The following NIPSNAP1 variants were observed in gnomAD, a reference collection of about 807,000 sequenced individuals.
NIPSNAP1 encodes the protein nipsnap homolog 1.
NIPSNAP1 carries 25 observed loss-of-function variants against 49.2 expected under a neutral mutation model. The ratio of observed to expected loss-of-function variants is 0.51; its 90% confidence interval spans 0.37 to 0.71. The LOEUF (loss-of-function observed/expected upper bound fraction) is 0.71, where lower values mean the gene tolerates loss of function less well. NIPSNAP1 is among the 30% of genes least tolerant of loss of function. NIPSNAP1 has a pLI of 0.00. For missense variants in NIPSNAP1, 294 were observed against 361.0 expected, an observed-to-expected ratio of 0.81 and a Z score of 1.50; for synonymous variants, 143 against 140.7, an observed-to-expected ratio of 1.02 and a Z score of -0.12.
At position 29,555,645 on chromosome 22, in the gene NIPSNAP1, G is replaced by T; in HGVS notation, c.*290C>A. 4.9e-6 allele frequency: 2 copies of T among 410,966 alleles called. No individual in the cohort carries two copies. Among genetic ancestry groups the T allele is most frequent in the Non-Finnish European group, 4.6e-6 (1 of 217,732 alleles). 25.5% of individuals were successfully genotyped at this position (410,966 alleles called of 1,614,324 possible). A position where few individuals can be genotyped will look rare whatever the true frequency, so the allele number is the denominator to read the frequency against. On this transcript the variant is annotated 3_prime_UTR_variant, in exon 10 of 10. Coordinates refer to ENST00000216121, the MANE Select transcript of NIPSNAP1 (RefSeq NM_003634.4). Reference sequence around the variant, plus strand: ...CTGGGGACTGGTGGCCTTGAGATGAGGAATTTTAGAAGATAAATGAAGGCC... The same window carrying T: ...CTGGGGACTGGTGGCCTTGAGATGATGAATTTTAGAAGATAAATGAAGGCC...
intron 9 of NIPSNAP1, among the ~76,000 whole-genome samples, chr22:29,557,855 G>T (rs563440430): frequency 2.0e-5 from 3 of 152,208 alleles, no homozygotes; most frequent in Admixed American, 6.5e-5. Flanking sequence ...TCATTTATGT[G>T]CCCCTCAACC....
intron 4 of NIPSNAP1, among the ~76,000 whole-genome samples, chr22:29,567,232 G>A (rs1487521854): frequency 6.6e-6 from 1 of 152,216 alleles, no homozygotes; most frequent in East Asian, 1.9e-4. Flanking sequence ...CTGTGAGTCA[G>A]CCAAATTCAT....
chr22:29,568,698 A>G (rs2064385513), intron 4 of NIPSNAP1, among the ~76,000 whole-genome samples: 1 of 152,170 alleles, frequency 6.6e-6, no homozygotes, highest in South Asian at 2.1e-4. Flanking sequence ...AGGCTGAGAC[A>G]AGAGAATTGC....
In NIPSNAP1 at chr22:29,573,939, A is replaced by AAAAACAAAAC. The variant is rs695343; in HGVS notation, c.99-3417_99-3408dup. Among the ~76,000 whole-genome samples, 621 of 148,304 alleles carry AAAAACAAAAC rather than the reference A, an allele frequency of 4.2e-3. 12 individuals carry two copies. Among genetic ancestry groups the AAAAACAAAAC allele is most frequent in the Middle Eastern group, 0.042 (12 of 288 alleles). On this transcript the variant is annotated intron_variant, in intron 1 of 9. Coordinates refer to ENST00000216121, the MANE Select transcript of NIPSNAP1 (RefSeq NM_003634.4). ...GGGCAACAGAGCAGACCCTGTCTCA[A>AAAAACAAAAC]AAAACAAAACAAAACAAAACAAAAC...
Position 29,581,106 on chromosome 22 carries a change from A to C in NIPSNAP1, c.-24T>G. ...ATGTTGGAGCCGCAAAGGTTGCAGG[A>C]AGGCCCCGCCCCCAAGCCCTGGTGG... On this transcript the variant is annotated 5_prime_UTR_variant, in exon 1 of 10. Coordinates refer to ENST00000216121, the MANE Select transcript of NIPSNAP1 (RefSeq NM_003634.4). 6.5e-7 allele frequency: 1 copy of C among 1,537,984 alleles called. No individual in the cohort carries two copies. The highest frequency in any genetic ancestry group is 8.7e-7 in the Non-Finnish European group (1 of 1,144,252).
intron 4 of NIPSNAP1, among the ~76,000 whole-genome samples, chr22:29,563,492 A>T (rs1325935936): frequency 6.6e-6 from 1 of 152,134 alleles, no homozygotes; most frequent in Non-Finnish European, 1.5e-5. Flanking sequence ...GCACCACTGC[A>T]CTCCAGCCTG....
chr22:29,572,666 G>A (rs962852354), intron 1 of NIPSNAP1, among the ~76,000 whole-genome samples: 2 of 152,004 alleles, frequency 1.3e-5, no homozygotes, highest in South Asian at 2.1e-4. Flanking sequence ...TGGGCATGAC[G>A]GTATGTGCCT....
At chr22:29,574,933 T>C (rs562392740) in intron 1 of NIPSNAP1, among the ~76,000 whole-genome samples, 1 of 152,318 alleles carries the variant, frequency 6.6e-6, no homozygotes, top group South Asian at 2.1e-4. Context: ...CTTATAGTAT[T>C]GGTACTATTA....
In NIPSNAP1 at chr22:29,574,261, C is replaced by CAAAAAAAA. The variant is rs1158442759; in HGVS notation, c.99-3737_99-3730dup. Among the ~76,000 whole-genome samples the CAAAAAAAA allele has an allele frequency of 4.9e-4, 18 of 36,632 alleles. 1 individual carries two copies. The highest frequency in any genetic ancestry group is 3.1e-3 in the East Asian group (2 of 648). The allele number at this position is 36,632 out of a possible 152,430, so 24.0% of individuals were successfully genotyped here. On this transcript the variant is annotated intron_variant, in intron 1 of 9. Transcript: ENST00000216121. The stretch of plus-strand genomic sequence containing the variant: ...ATGACAGAGTGAGACTCCATCTTCA[C>CAAAAAAAA]AAAAAAAAAAAAAAAAAAAAAAAAA...
chr22:29,563,779 G>C (rs1313538878), intron 4 of NIPSNAP1, among the ~76,000 whole-genome samples: 1 of 152,134 alleles, frequency 6.6e-6, no homozygotes, highest in Non-Finnish European at 1.5e-5. Flanking sequence ...GACACACAGA[G>C]AGAACAGCAT....
At chr22:29,580,300 T>C in intron 1 of NIPSNAP1, 1 of 1,235,408 alleles carries the variant, frequency 8.1e-7, no homozygotes. Context: ...CCAGGGCCAG[T>C]CAGGGAGGCC....
intron 1 of NIPSNAP1, among the ~76,000 whole-genome samples, chr22:29,577,718 T>TTTTTGTTTTGTTTTG (rs777313394): frequency 6.7e-6 from 1 of 149,554 alleles, no homozygotes; most frequent in Admixed American, 6.6e-5. Context: ...CCGGCATGTT[T>TTTTTGTTTTGTTTTG]TTTTGTTTTG....
intron 1 of NIPSNAP1, among the ~76,000 whole-genome samples, chr22:29,575,721 T>G (rs973154183): frequency 2.9e-4 from 44 of 151,782 alleles, no homozygotes; most frequent in African/African-American, 9.9e-4. Flanking sequence ...TTTTTTTTTT[T>G]TTGTTTTGTT....
chr22:29,562,700 A>C (rs1172754258), intron 4 of NIPSNAP1, among the ~76,000 whole-genome samples: 2 of 152,260 alleles, frequency 1.3e-5, no homozygotes, highest in South Asian at 4.1e-4. Context: ...TCAAAAAAAA[A>C]GAGATTGACA....
At chr22:29,559,970 TC>T (rs2064322374) in intron 8 of NIPSNAP1, among the ~76,000 whole-genome samples, 3 of 151,886 alleles carry the variant, frequency 2.0e-5, no homozygotes, top group Non-Finnish European at 4.4e-5. Context: ...CCCAACTCAT[TC>T]CCCCTCTCCT....
chr22:29,577,873 C>T (rs1287885170), intron 1 of NIPSNAP1, among the ~76,000 whole-genome samples: 1 of 148,936 alleles, frequency 6.7e-6, no homozygotes, highest in Non-Finnish European at 1.5e-5. Context: ...GCTGGGAATA[C>T]AGGAACACAC....
At chr22:29,571,471 G>A (rs1360712074) in intron 1 of NIPSNAP1, among the ~76,000 whole-genome samples, 1 of 152,188 alleles carries the variant, frequency 6.6e-6, no homozygotes, top group Non-Finnish European at 1.5e-5. Flanking sequence ...TGTGGTTAAG[G>A]GCAGTGGAGG....
intron 8 of NIPSNAP1, among the ~76,000 whole-genome samples, chr22:29,560,171 C>G (rs1020864564): frequency 7.9e-5 from 12 of 152,118 alleles, no homozygotes; most frequent in African/African-American, 2.7e-4. Flanking sequence ...TTTACTTCCT[C>G]AGAGAGGCAT....
chr22:29,556,472 C>T (rs375458550), intron 9 of NIPSNAP1, among the ~76,000 whole-genome samples: 90 of 151,784 alleles, frequency 5.9e-4, no homozygotes, highest in African/African-American at 2.0e-3. Flanking sequence ...TGCTGTGAGC[C>T]GAGATCAGGC....
Sources: gnomAD v4.1 joint callset for allele counts (sites outside exome capture counted in the v4.1 genomes callset) on GRCh38, gnomAD v4.1.1 for gene constraint, MANE v1.5 for transcripts, NCBI Gene and HGNC (gene_info 2026-07-23, HGNC 2026-07-21) for gene names.